ADGRL3: variants seen among roughly 807,000 people sequenced by gnomAD.
ADGRL3 encodes the protein adhesion G protein-coupled receptor L3, also known as calcium-independent alpha-latrotoxin receptor 3.
Under a neutral mutation model 153.5 loss-of-function variants are expected in ADGRL3, and 62 were observed. That is an observed-to-expected ratio of 0.40 (90% CI 0.33 to 0.50). ADGRL3 has a LOEUF of 0.50. ADGRL3 is among the 20% of genes least tolerant of loss of function. ADGRL3 has a pLI of 0.47. For synonymous variants in ADGRL3, 710 were observed against 672.5 expected (o/e 1.06, Z -0.86); for missense variants, 1,641 against 1,859.4 (o/e 0.88, Z 2.16).
At chr4:61,627,986 G>T (rs1429770455) in intron 5 of ADGRL3, among the ~76,000 whole-genome samples, 1 of 152,122 alleles carries the variant, frequency 6.6e-6, no homozygotes, top group Non-Finnish European at 1.5e-5. Context: ...TAACAAGGAT[G>T]CTTGGACCAA....
intron 17 of ADGRL3, among the ~76,000 whole-genome samples, chr4:61,965,861 C>A (rs2099004666): frequency 6.6e-6 from 1 of 152,174 alleles, no homozygotes; most frequent in Non-Finnish European, 1.5e-5. Flanking sequence ...CGTATCATTA[C>A]AATGTAAATA....
At chr4:62,007,135 A>T (rs2099161940) in intron 21 of ADGRL3, among the ~76,000 whole-genome samples, 1 of 151,514 alleles carries the variant, frequency 6.6e-6, no homozygotes. Context: ...GAAAGAAGAG[A>T]TAAGAGAAGG....
intron 2 of ADGRL3, among the ~76,000 whole-genome samples, chr4:61,460,384 C>T (rs1218869314): frequency 6.6e-6 from 1 of 152,048 alleles, no homozygotes; most frequent in Non-Finnish European, 1.5e-5. Flanking sequence ...GAATGAAATT[C>T]TGTCATTTGC....
chr4:61,462,137 A>G (rs1051013206), intron 2 of ADGRL3, among the ~76,000 whole-genome samples: 4 of 152,200 alleles, frequency 2.6e-5, no homozygotes, highest in Non-Finnish European at 5.9e-5. Context: ...AAATGGAGAC[A>G]AGAAGAAACA....
At chr4:61,219,667 G>A (rs1744468979) in intron 1 of ADGRL3, among the ~76,000 whole-genome samples, 1 of 152,140 alleles carries the variant, frequency 6.6e-6, no homozygotes, top group South Asian at 2.1e-4. Flanking sequence ...CAGCTTTTAT[G>A]CTTTTCATTA....
chr4:61,616,937 G>T (rs998424916), intron 5 of ADGRL3, among the ~76,000 whole-genome samples: 9 of 152,050 alleles, frequency 5.9e-5, no homozygotes, highest in African/African-American at 2.2e-4. Flanking sequence ...TTACAGGCAA[G>T]AGCCACTGGG....
intron 1 of ADGRL3, among the ~76,000 whole-genome samples, chr4:61,363,270 G>T (rs993411575): frequency 6.6e-6 from 1 of 152,170 alleles, no homozygotes; most frequent in Middle Eastern, 3.5e-3. Flanking sequence ...TACTGCTGTG[G>T]GTGGAATTTT....
At chr4:62,046,997 A>G (rs1390796948) in intron 25 of ADGRL3, among the ~76,000 whole-genome samples, 1 of 151,974 alleles carries the variant, frequency 6.6e-6, no homozygotes, top group Non-Finnish European at 1.5e-5. Context: ...TCGAAGATTC[A>G]TCTTTTCAGA....
intron 1 of ADGRL3, among the ~76,000 whole-genome samples, chr4:61,304,460 T>C (rs2094698912): frequency 1.3e-5 from 2 of 152,330 alleles, no homozygotes; most frequent in African/African-American, 4.8e-5. Context: ...GAGGAGATGC[T>C]CTTTTTTAAA....
At chr4:61,376,630 G>A (rs2096606177) in intron 1 of ADGRL3, among the ~76,000 whole-genome samples, 2 of 152,114 alleles carry the variant, frequency 1.3e-5, no homozygotes, top group Admixed American at 6.6e-5. Flanking sequence ...TCGTTTTCTA[G>A]ATGTCTGTTC....
intron 2 of ADGRL3, among the ~76,000 whole-genome samples, chr4:61,417,026 C>A (rs887855713): frequency 9.9e-5 from 15 of 151,992 alleles, no homozygotes; most frequent in South Asian, 4.2e-4. Flanking sequence ...ATGCACACTT[C>A]ACAATAAGGT....
At chr4:61,483,888 C>T (rs1579112825) in intron 2 of ADGRL3, among the ~76,000 whole-genome samples, 1 of 150,414 alleles carries the variant, frequency 6.6e-6, no homozygotes, top group East Asian at 1.9e-4. Context: ...AATAAGATTA[C>T]GTTAATAACT....
At chr4:61,745,751 A>G (rs2096649371) in intron 8 of ADGRL3, among the ~76,000 whole-genome samples, 1 of 152,186 alleles carries the variant, frequency 6.6e-6, no homozygotes, top group African/African-American at 2.4e-5. Flanking sequence ...GCCACTGCAA[A>G]ATCATGCCAA....
At chr4:61,569,012 C>T (rs185480835) in intron 4 of ADGRL3, among the ~76,000 whole-genome samples, 3 of 152,032 alleles carry the variant, frequency 2.0e-5, no homozygotes, top group East Asian at 1.9e-4. Flanking sequence ...CAGAGTGAAT[C>T]TCATATAGCA....
intron 8 of ADGRL3, among the ~76,000 whole-genome samples, chr4:61,747,015 A>T (rs1320633668): frequency 6.6e-6 from 1 of 152,242 alleles, no homozygotes; most frequent in Admixed American, 6.5e-5. Flanking sequence ...ATAAAAAATG[A>T]TAAAGGGGAT....
At chr4:61,873,918 G>T (rs2098459602) in intron 9 of ADGRL3, among the ~76,000 whole-genome samples, 1 of 152,034 alleles carries the variant, frequency 6.6e-6, no homozygotes, top group South Asian at 2.1e-4. Context: ...ACTCACACAA[G>T]AAAAGAATTG....
At chr4:62,062,218 G>T (rs1373634767) in intron 25 of ADGRL3, among the ~76,000 whole-genome samples, 1 of 151,912 alleles carries the variant, frequency 6.6e-6, no homozygotes, top group Non-Finnish European at 1.5e-5. Context: ...TGTTTCATAA[G>T]ATTATTTGCC....
chr4:61,494,314 A>G (rs2098289214), intron 2 of ADGRL3, among the ~76,000 whole-genome samples: 3 of 152,118 alleles, frequency 2.0e-5, no homozygotes, highest in Admixed American at 2.0e-4. Context: ...GTGTGTATAC[A>G]TACATCTCCT....
At chr4:61,261,801 C>T (rs932456872) in intron 1 of ADGRL3, among the ~76,000 whole-genome samples, 1 of 152,098 alleles carries the variant, frequency 6.6e-6, no homozygotes, top group Non-Finnish European at 1.5e-5. Context: ...CTTTCAAAAG[C>T]AGTAACATCT....
Sources: allele counts gnomAD v4.1 joint callset (sites outside exome capture counted in the v4.1 genomes callset), GRCh38; gene constraint gnomAD v4.1.1; transcripts MANE v1.5; gene names NCBI Gene and HGNC (gene_info 2026-07-23, HGNC 2026-07-21).